RAB2A: variants seen among roughly 807,000 people sequenced by gnomAD.
RAB2A encodes the protein RAB2A, member RAS oncogene family.
A neutral mutation model predicts 32.5 loss-of-function variants in RAB2A; 7 were observed. The ratio of observed to expected loss-of-function variants is 0.22; its 90% CI spans 0.12 to 0.40. The LOEUF is 0.40. RAB2A is among the 10% of genes least tolerant of loss of function. The probability of loss-of-function intolerance (pLI) is 1.00; values close to 1 mark genes in which losing one functional copy is unlikely to be tolerated. For synonymous variants in RAB2A, 79 were observed against 85.2 expected (o/e 0.93, Z 0.40); for missense variants, 108 against 260.7 (o/e 0.41, Z 4.03).
Position 60,580,913 on chromosome 8 carries a change from T to C in RAB2A, c.187-3295T>C, listed in dbSNP as rs185041015. On this transcript the variant is annotated intron_variant, in intron 3 of 7. Coordinates refer to ENST00000262646, the MANE Select transcript of RAB2A (RefSeq NM_002865.3). Reference sequence around the variant, plus strand: ...ATCCCACAGAATGTCCCTGGAGAGATTGGTTTAAAGGACTTTTACCTTTGC... The same window carrying C: ...ATCCCACAGAATGTCCCTGGAGAGACTGGTTTAAAGGACTTTTACCTTTGC... Among the ~76,000 whole-genome samples, 52 of 152,352 alleles carry C rather than the reference T, an allele frequency of 3.4e-4. 1 individual carries two copies. Among genetic ancestry groups the C allele is most frequent in the African/African-American group, 1.2e-3 (49 of 41,588 alleles).
At position 60,574,128 on chromosome 8, in the gene RAB2A, G is replaced by A. The variant is rs771442948; in HGVS notation, c.186+2015G>A. On this transcript the variant is annotated intron_variant, in intron 3 of 7. Coordinates refer to ENST00000262646, the MANE Select transcript of RAB2A (RefSeq NM_002865.3). The stretch of plus-strand genomic sequence containing the variant: ...AAATACTTGTATTGCTTGAAGTGCC[G>A]TTTTTTGTTTTCTTTTCCATTTAAG... Among the ~76,000 whole-genome samples, 6 of 152,214 alleles carry A rather than the reference G, an allele frequency of 3.9e-5. No individual in the cohort carries two copies. The South Asian group carries it at 8.3e-4, about 21-fold the overall frequency.
chr8:60,526,393 CCTT>C (rs1169855001), intron 1 of RAB2A, among the ~76,000 whole-genome samples: 2 of 152,162 alleles, frequency 1.3e-5, no homozygotes, highest in African/African-American at 2.4e-5. Context: ...TGGGTCACGT[CCTT>C]CTTGTGTCTC....
chr8:60,526,031 A>ATATATATATATATC (rs1195256061), intron 1 of RAB2A, among the ~76,000 whole-genome samples: 1 of 104,634 alleles, frequency 9.6e-6, no homozygotes, highest in Non-Finnish European at 1.8e-5. Flanking sequence ...ATATATATAT[A>ATATATATATATATC]TATATATATA....
chr8:60,599,681 A>G (rs1804097572), intron 6 of RAB2A, among the ~76,000 whole-genome samples: 1 of 152,240 alleles, frequency 6.6e-6, no homozygotes. Context: ...ATGGAAGAAG[A>G]TAGCCTTTTC....
intron 1 of RAB2A, among the ~76,000 whole-genome samples, chr8:60,525,214 A>T (rs1156279309): frequency 1.3e-5 from 2 of 152,206 alleles, no homozygotes; most frequent in Non-Finnish European, 2.9e-5. Context: ...TGATTGGATC[A>T]TGGGGTCAGT....
chr8:60,608,574 T>C (rs1804281702), intron 6 of RAB2A, among the ~76,000 whole-genome samples: 1 of 146,048 alleles, frequency 6.8e-6, no homozygotes, highest in African/African-American at 2.6e-5. Flanking sequence ...TCCTTCTCCT[T>C]CTCCTCCTCT....
chr8:60,540,064 A>G (rs1339133163), intron 1 of RAB2A, among the ~76,000 whole-genome samples: 1 of 151,612 alleles, frequency 6.6e-6, no homozygotes, highest in Non-Finnish European at 1.5e-5. Flanking sequence ...TTTTTGAAAG[A>G]AAGAGTATAC....
intron 2 of RAB2A, among the ~76,000 whole-genome samples, chr8:60,569,545 C>G (rs1260990719): frequency 6.6e-6 from 1 of 152,180 alleles, no homozygotes; most frequent in Non-Finnish European, 1.5e-5. Flanking sequence ...AGGTCTCACT[C>G]TGTCACCCAG....
At chr8:60,571,344 A>C (rs1380288768) in intron 2 of RAB2A, among the ~76,000 whole-genome samples, 1 of 152,236 alleles carries the variant, frequency 6.6e-6, no homozygotes, top group Admixed American at 6.5e-5. Flanking sequence ...AAATTAGCAA[A>C]TTATCTGTAC....
intron 1 of RAB2A, among the ~76,000 whole-genome samples, chr8:60,540,470 C>T (rs1807622930): frequency 6.7e-6 from 1 of 150,028 alleles, no homozygotes. Context: ...ATACTGCCTG[C>T]CTGCCTCCCT....
At chr8:60,527,828 A>T (rs998066342) in intron 1 of RAB2A, among the ~76,000 whole-genome samples, 1 of 152,234 alleles carries the variant, frequency 6.6e-6, no homozygotes, top group African/African-American at 2.4e-5. Flanking sequence ...TCTTAAAAAT[A>T]ATACAGTATA....
intron 6 of RAB2A, among the ~76,000 whole-genome samples, chr8:60,614,220 T>C: frequency 2.1e-5 from 2 of 95,562 alleles, no homozygotes; most frequent in Non-Finnish European, 4.7e-5. Flanking sequence ...CCTGCCTTAA[T>C]CCAGCCCTGC....
rs536256865 is a variant in RAB2A at position 60,622,196 on chromosome 8, A to C, written c.*1427A>C. On this transcript the variant is annotated 3_prime_UTR_variant, in exon 8 of 8. Transcript: ENST00000262646. ...GTTGATGGTGTAAGCAGTGTAAGCA[A>C]GTGTTTTCTCCTGAACTAGCACAAA... 6.6e-6 allele frequency: 1 copy of C among 152,222 alleles called. No individual in the cohort carries two copies. The highest frequency in any genetic ancestry group is 1.5e-5 in the Non-Finnish European group (1 of 68,042). The allele number at this position is 152,222 out of a possible 1,614,324, so 9.4% of individuals were successfully genotyped here.
intron 1 of RAB2A, among the ~76,000 whole-genome samples, chr8:60,555,685 T>C (rs1807927496): frequency 6.6e-6 from 1 of 152,140 alleles, no homozygotes; most frequent in Non-Finnish European, 1.5e-5. Flanking sequence ...AGAATGGCTA[T>C]TATCAAAAAG....
intron 6 of RAB2A, among the ~76,000 whole-genome samples, chr8:60,611,125 G>A (rs115847426): frequency 0.016 from 2,413 of 152,152 alleles, 76 homozygotes; most frequent in African/African-American, 0.055. Context: ...ATTCATTCTC[G>A]TTGCCACCAT....
At chr8:60,520,028 CA>C (rs953297266) in intron 1 of RAB2A, among the ~76,000 whole-genome samples, 3 of 152,112 alleles carry the variant, frequency 2.0e-5, no homozygotes, top group African/African-American at 7.2e-5. Flanking sequence ...AAGTCAGGGT[CA>C]AAAACATGCA....
intron 1 of RAB2A, among the ~76,000 whole-genome samples, chr8:60,537,562 T>TA (rs1182144709): frequency 6.6e-6 from 1 of 152,214 alleles, no homozygotes; most frequent in Admixed American, 6.5e-5. Context: ...ATCCACTAAA[T>TA]TGGTTTCATG....
Position 60,621,750 on chromosome 8 carries a change from A to G in RAB2A, c.*981A>G, listed in dbSNP as rs1586121794. The G allele has an allele frequency of 2.0e-5, 3 of 152,294 alleles. 1 individual carries two copies. Among genetic ancestry groups the G allele is most frequent in the Admixed American group, 2.0e-4 (3 of 15,284 alleles). 9.4% of individuals were successfully genotyped at this position (152,294 alleles called of 1,614,324 possible). ...ATTTTTCATGCAGGACAGTTTTTCA[A>G]CCTTGATGTACAGTGACTGTGTAAA... is the stretch of plus-strand genomic sequence containing the variant. On this transcript the variant is annotated 3_prime_UTR_variant, in exon 8 of 8. Coordinates refer to ENST00000262646, the MANE Select transcript of RAB2A (RefSeq NM_002865.3).
intron 6 of RAB2A, among the ~76,000 whole-genome samples, chr8:60,597,791 C>A (rs188474193): frequency 9.9e-5 from 15 of 152,144 alleles, no homozygotes; most frequent in Admixed American, 9.2e-4. Context: ...ATTGGCAGAC[C>A]TCTAGCAAAA....
Sources: allele counts gnomAD v4.1 joint callset (sites outside exome capture counted in the v4.1 genomes callset), GRCh38; gene constraint gnomAD v4.1.1; transcripts MANE v1.5; gene names NCBI Gene and HGNC (gene_info 2026-07-23, HGNC 2026-07-21).